Variants in TPRG1 observed in about 807,000 individuals in gnomAD.
TPRG1 encodes tumor protein p63-regulated gene 1 protein.
In TPRG1, 29 loss-of-function variants were observed where a neutral mutation model predicts 29.3. The ratio of observed to expected loss-of-function variants is 0.99; its 90% CI spans 0.74 to 1.35. The LOEUF (loss-of-function observed/expected upper bound fraction) is 1.35, where lower values mean the gene tolerates loss of function less well. Among genes scored for constraint, TPRG1 ranks in the 40% most tolerant of loss-of-function variants. TPRG1 has a pLI of 0.00. For synonymous variants in TPRG1, 130 were observed against 116.8 expected (o/e 1.11, Z -0.73); for missense variants, 327 against 335.0 (o/e 0.98, Z 0.19).
At position 189,209,497 on chromosome 3, in the gene TPRG1, C is replaced by G. The variant is rs1338631851; in HGVS notation, c.210+1903C>G. Among the ~76,000 whole-genome samples the G allele has an allele frequency of 2.6e-5, 4 of 152,154 alleles. No homozygotes were observed. In the South Asian group the frequency reaches 6.2e-4, roughly 24 times the overall value. Reference sequence around the variant, plus strand: ...TTGGTGTTGTACCATGTAGCTTATACAGCAAACTCACATCCTTTATCTGTT... The same window carrying G: ...TTGGTGTTGTACCATGTAGCTTATAGAGCAAACTCACATCCTTTATCTGTT... On this transcript the variant is annotated intron_variant, in intron 2 of 5. Coordinates refer to ENST00000345063, the MANE Select transcript of TPRG1 (RefSeq NM_198485.4).
chr3:189,057,293 A>G (rs796767414), intron 4 of TPRG1, among the ~76,000 whole-genome samples: 21 of 152,276 alleles, frequency 1.4e-4, no homozygotes, highest in African/African-American at 4.8e-4. Flanking sequence ...TTGGTACACT[A>G]TTTCTTCAGG....
intron 1 of TPRG1, 113 bp from the exon 2 acceptor site, chr3:189,207,263 A>T: frequency 1.4e-6 from 2 of 1,449,808 alleles, no homozygotes; most frequent in Middle Eastern, 2.1e-4. Flanking sequence ...AACATGAAGG[A>T]TGTTTTTAAG....
At chr3:189,130,638 A>C (rs1302938851) in intron 2 of TPRG1, among the ~76,000 whole-genome samples, 1 of 133,852 alleles carries the variant, frequency 7.5e-6, no homozygotes, top group Non-Finnish European at 1.5e-5. Flanking sequence ...CCCTTCTGTG[A>C]GTGTGAGGGC....
At chr3:189,096,674 G>T (rs1001191049), upstream of TPRG1, among the ~76,000 whole-genome samples, 1 of 152,118 alleles carries the variant, frequency 6.6e-6, no homozygotes, top group African/African-American at 2.4e-5. Context: ...AGTGTGAAAC[G>T]TAAAAAATTC....
intron 1 of TPRG1, among the ~76,000 whole-genome samples, chr3:188,997,851 T>A (rs1294320853): frequency 6.6e-6 from 1 of 152,176 alleles, no homozygotes; most frequent in Non-Finnish European, 1.5e-5. Context: ...CTTCCTCCCC[T>A]TGCTCCTCTC....
chr3:189,025,261 T>C (rs1203458327), intron 4 of TPRG1, among the ~76,000 whole-genome samples: 1 of 152,112 alleles, frequency 6.6e-6, no homozygotes, highest in Non-Finnish European at 1.5e-5. Flanking sequence ...GTTGCAAAGA[T>C]CCATAGGAGA....
rs545476319 is a variant in TPRG1, at chr3:189,062,327, C to T, written c.-463+38381C>T. 1.4e-4 allele frequency among the ~76,000 whole-genome samples: 21 copies of T among 152,194 alleles called. No individual in the cohort carries two copies. The South Asian group carries it at 3.9e-3, about 29-fold the overall frequency. ...GGAGGAAGAGGATCAGAGAAAATAACTATTGGATACTAGGCTTAATACCTG... is the reference window on the plus strand; with the variant it reads ...GGAGGAAGAGGATCAGAGAAAATAATTATTGGATACTAGGCTTAATACCTG... On this transcript the variant is annotated intron_variant, in intron 4 of 10. Transcript: ENST00000433971.
At chr3:189,305,288 CAGACTG>C (rs1230232866) in intron 4 of TPRG1, among the ~76,000 whole-genome samples, 7 of 152,206 alleles carry the variant, frequency 4.6e-5, no homozygotes, top group Non-Finnish European at 1.0e-4. Flanking sequence ...TATATTAACT[CAGACTG>C]AGGACTGACT....
intron 1 of TPRG1, among the ~76,000 whole-genome samples, chr3:189,107,972 C>T (rs1174529370): frequency 2.0e-5 from 3 of 151,916 alleles, no homozygotes; most frequent in African/African-American, 2.4e-5. Flanking sequence ...TTTTATAGGC[C>T]GTTTAAACCA....
intron 4 of TPRG1, among the ~76,000 whole-genome samples, chr3:189,271,915 G>T (rs1046230493): frequency 9.9e-5 from 15 of 152,170 alleles, no homozygotes; most frequent in African/African-American, 3.4e-4. Context: ...GAGATAAAAA[G>T]CAACTACTTT....
At chr3:189,060,519 G>A (rs1194159722) in intron 4 of TPRG1, among the ~76,000 whole-genome samples, 1 of 152,132 alleles carries the variant, frequency 6.6e-6, no homozygotes, top group Admixed American at 6.6e-5. Flanking sequence ...GTTTGTGGAA[G>A]ACATCATTCT....
chr3:189,302,828 G>C (rs1381549044), intron 4 of TPRG1, among the ~76,000 whole-genome samples: 1 of 152,104 alleles, frequency 6.6e-6, no homozygotes, highest in East Asian at 1.9e-4. Flanking sequence ...TTTATCATTT[G>C]CCCATCACCC....
chr3:189,092,152 T>C (rs569354404), intron 4 of TPRG1, among the ~76,000 whole-genome samples: 134 of 152,224 alleles, frequency 8.8e-4, no homozygotes, highest in African/African-American at 3.2e-3. Flanking sequence ...TTGCAGTTTA[T>C]CAGTGATTTT....
chr3:189,240,505 G>A (rs1035417959), intron 4 of TPRG1: 29 of 153,082 alleles, frequency 1.9e-4, no homozygotes, highest in Non-Finnish European at 3.2e-4. Flanking sequence ...ACAGTTCCAC[G>A]TGGCTGGGAA....
chr3:189,300,815 A>G (rs1361192514), intron 4 of TPRG1, among the ~76,000 whole-genome samples: 5 of 152,150 alleles, frequency 3.3e-5, no homozygotes, highest in Non-Finnish European at 5.9e-5. Context: ...GATATCCTCA[A>G]TATTCCTACT....
At chr3:189,300,639 G>A (rs1720680749) in intron 4 of TPRG1, among the ~76,000 whole-genome samples, 1 of 152,140 alleles carries the variant, frequency 6.6e-6, no homozygotes, top group South Asian at 2.1e-4. Flanking sequence ...TTTGTAGGAA[G>A]AAGAACCAGA....
intron 4 of TPRG1, among the ~76,000 whole-genome samples, chr3:189,297,377 T>C (rs932727312): frequency 6.6e-6 from 1 of 152,122 alleles, no homozygotes; most frequent in African/African-American, 2.4e-5. Context: ...CCTAGGTGCA[T>C]AGTTTAGATG....
chr3:189,011,781 A>G (rs970026621), intron 3 of TPRG1, among the ~76,000 whole-genome samples: 1 of 152,188 alleles, frequency 6.6e-6, no homozygotes, highest in Non-Finnish European at 1.5e-5. Context: ...ATGTTTTTCC[A>G]TCTGTTTGTG....
intron 1 of TPRG1, among the ~76,000 whole-genome samples, chr3:189,193,153 T>TTTTTG (rs1731972669): frequency 7.0e-6 from 1 of 142,536 alleles, no homozygotes; most frequent in East Asian, 2.0e-4. Context: ...TTTTTTTTTT[T>TTTTTG]GAGATGAGGT....
Sources: gnomAD v4.1 joint callset for allele counts (sites outside exome capture counted in the v4.1 genomes callset) on GRCh38, gnomAD v4.1.1 for gene constraint, MANE v1.5 for transcripts, NCBI Gene and HGNC (gene_info 2026-07-23, HGNC 2026-07-21) for gene names.